CADPS: variants seen among roughly 807,000 people sequenced by gnomAD.
The protein encoded by CADPS is calcium dependent secretion activator.
CADPS carries 57 observed loss-of-function variants against 167.3 expected under a neutral mutation model. The ratio of observed to expected loss-of-function variants is 0.34; its 90% CI spans 0.28 to 0.42. The LOEUF is 0.42. CADPS is among the 20% of genes least tolerant of loss of function. CADPS has a pLI of 1.00. For synonymous variants in CADPS, 676 were observed against 635.3 expected (o/e 1.06, Z -0.96); for missense variants, 1,414 against 1,738.1 (o/e 0.81, Z 3.32).
chr3:62,828,824 T>G (rs1559815906), intron 1 of CADPS, among the ~76,000 whole-genome samples: 3 of 152,202 alleles, frequency 2.0e-5, no homozygotes, highest in Admixed American at 1.3e-4. Context: ...TGGACCCAAT[T>G]CTACCAATAA....
chr3:62,463,813 C>T (rs762476704), intron 26 of CADPS, among the ~76,000 whole-genome samples: 2 of 152,180 alleles, frequency 1.3e-5, no homozygotes, highest in Non-Finnish European at 2.9e-5. Flanking sequence ...TATCCCCTTC[C>T]CACCTCACCT....
At chr3:62,804,474 G>T (rs1161462887) in intron 1 of CADPS, among the ~76,000 whole-genome samples, 1 of 152,074 alleles carries the variant, frequency 6.6e-6, no homozygotes. Flanking sequence ...TTATGTTGAA[G>T]GACAGCCCTT....
chr3:62,414,454 G>A (rs2049620652), intron 28 of CADPS, among the ~76,000 whole-genome samples: 1 of 152,216 alleles, frequency 6.6e-6, no homozygotes, highest in Non-Finnish European at 1.5e-5. Flanking sequence ...GCCCTTTGCT[G>A]AAAAATAACT....
At chr3:62,804,530 GC>G (rs1269097432) in intron 1 of CADPS, among the ~76,000 whole-genome samples, 3 of 152,002 alleles carry the variant, frequency 2.0e-5, no homozygotes, top group Admixed American at 6.6e-5. Context: ...AGACTCACTA[GC>G]TTTATGAATT....
At chr3:62,493,612 C>T (rs1207702180) in intron 19 of CADPS, 33 bp downstream of exon 19, 15 of 1,539,850 alleles carry the variant, frequency 9.7e-6, no homozygotes, top group Non-Finnish European at 1.3e-5. Flanking sequence ...AGGGGTCCAC[C>T]TCTCTTCTTT....
intron 3 of CADPS, among the ~76,000 whole-genome samples, chr3:62,751,988 A>G (rs781060996): frequency 6.6e-6 from 1 of 152,244 alleles, no homozygotes; most frequent in African/African-American, 2.4e-5. Context: ...GAAAATATGC[A>G]TAAGCTGTTG....
chr3:62,808,486 A>T (rs1373463831), intron 1 of CADPS, among the ~76,000 whole-genome samples: 1 of 152,126 alleles, frequency 6.6e-6, no homozygotes, highest in Non-Finnish European at 1.5e-5. Flanking sequence ...GCTATTTGTC[A>T]TCATCATTCT....
At chr3:62,508,374 C>T (rs1483541422) in intron 17 of CADPS, among the ~76,000 whole-genome samples, 1 of 152,170 alleles carries the variant, frequency 6.6e-6, no homozygotes, top group Non-Finnish European at 1.5e-5. Flanking sequence ...AGTTTCATTG[C>T]TAACAAATCA....
intron 17 of CADPS, among the ~76,000 whole-genome samples, chr3:62,511,672 T>C (rs765435336): frequency 1.1e-4 from 17 of 152,134 alleles, no homozygotes; most frequent in Non-Finnish European, 1.9e-4. Flanking sequence ...TGCAGTTCAA[T>C]CCTTACCATC....
intron 9 of CADPS, among the ~76,000 whole-genome samples, chr3:62,559,504 T>C (rs532227067): frequency 1.3e-5 from 2 of 152,260 alleles, no homozygotes; most frequent in South Asian, 2.1e-4. Flanking sequence ...GGGAATTTTT[T>C]TTTTTTTTAG....
intron 1 of CADPS, among the ~76,000 whole-genome samples, chr3:62,822,534 A>C (rs1244487672): frequency 6.6e-6 from 1 of 152,172 alleles, no homozygotes; most frequent in Non-Finnish European, 1.5e-5. Context: ...TGCTCATTTG[A>C]TATAGAAACA....
intron 3 of CADPS, among the ~76,000 whole-genome samples, chr3:62,698,820 G>A (rs1209061162): frequency 7.5e-6 from 1 of 133,130 alleles, no homozygotes; most frequent in Non-Finnish European, 1.5e-5. Context: ...GCTCACTGCA[G>A]CCTTGGCCTT....
Position 62,734,752 on chromosome 3 carries a change from G to A in CADPS, c.888+18689C>T, listed in dbSNP as rs940430614. Among the ~76,000 whole-genome samples, 12 of 152,206 alleles carry A rather than the reference G, an allele frequency of 7.9e-5. No homozygotes were observed. In the East Asian group the frequency reaches 1.5e-3, roughly 20 times the overall value. On this transcript the variant is annotated intron_variant, in intron 3 of 29. Transcript: ENST00000383710. ...TTATTCTAACTTTAGAAATAAAACT[G>A]CTACAAATATTCTTGTGCATATCTT...
chr3:62,874,804 C>A lies in CADPS; in HGVS notation c.226G>T (p.Gly76Trp). The change falls in exon 1 of 30, where the codon GGG becomes TGG. Residue 76 changes from glycine to tryptophan, a missense_variant. Gly to Trp is a radical substitution (Grantham distance 184). Coordinates refer to ENST00000383710, the MANE Select transcript of CADPS (RefSeq NM_003716.4). This position sits in a 1 kb window ranked among gnomAD's most constrained non-coding sequence, Gnocchi z 7.1. ...GCGCGGCTGCTGGGTTGCAGCCCCCCGGCCCCGCCGCCGCTGCTCGCGCCG... is the reference window on the plus strand; with the variant it reads ...GCGCGGCTGCTGGGTTGCAGCCCCCAGGCCCCGCCGCCGCTGCTCGCGCCG... ...GSGASSGGGA[G>W]GLQPSSRAGG... The A allele has an allele frequency of 1.7e-6, 2 of 1,176,340 alleles. No homozygotes were observed. Among genetic ancestry groups the A allele is most frequent in the Admixed American group, 4.0e-5 (1 of 25,064 alleles). 72.9% of individuals were successfully genotyped at this position (1,176,340 alleles called of 1,614,324 possible). A position where few individuals can be genotyped will look rare whatever the true frequency, so the allele number is the denominator to read the frequency against.
chr3:62,641,678 G>A (rs1021613928), intron 6 of CADPS, among the ~76,000 whole-genome samples: 17 of 152,106 alleles, frequency 1.1e-4, no homozygotes, highest in African/African-American at 3.4e-4. Context: ...AAATAAGTAC[G>A]TCTCATGAAA....
intron 10 of CADPS, chr3:62,550,704 C>A: frequency 4.7e-6 from 2 of 427,626 alleles, no homozygotes; most frequent in Non-Finnish European, 4.7e-6. Context: ...TCCTTTTCTG[C>A]CTTACAACCC....
intron 8 of CADPS, among the ~76,000 whole-genome samples, chr3:62,572,198 C>T (rs376190028): frequency 6.6e-6 from 1 of 152,230 alleles, no homozygotes; most frequent in East Asian, 1.9e-4. Context: ...GAGTGGCTGG[C>T]AGCCAAAATC....
chr3:62,652,186 G>T (rs1412313753), intron 4 of CADPS, among the ~76,000 whole-genome samples: 1 of 152,032 alleles, frequency 6.6e-6, no homozygotes, highest in African/African-American at 2.4e-5. Flanking sequence ...TAATATGCAA[G>T]GAAGATGGAG....
At chr3:62,527,012 A>G (rs1241350876) in intron 13 of CADPS, among the ~76,000 whole-genome samples, 3 of 152,208 alleles carry the variant, frequency 2.0e-5, no homozygotes, top group Non-Finnish European at 4.4e-5. Context: ...AGGGGTGCTT[A>G]GTAAAAGTGC....
Sources: gnomAD v4.1 joint callset for allele counts (sites outside exome capture counted in the v4.1 genomes callset) on GRCh38, gnomAD v4.1.1 for gene constraint, Gnocchi (gnomAD v3.1) non-coding constraint, MANE v1.5 for transcripts, NCBI Gene and HGNC (gene_info 2026-07-23, HGNC 2026-07-21) for gene names.